Variants in INTS15 observed in about 807,000 individuals in gnomAD.
The protein encoded by INTS15 is integrator complex subunit 15.
the INTS15 span, among the ~76,000 whole-genome samples, chr7:6,596,358 C>G: frequency 6.9e-6 from 1 of 144,632 alleles, no homozygotes; most frequent in Non-Finnish European, 1.5e-5. Context: ...CCAGCCGAGC[C>G]TTCTTTTATC....
the INTS15 span, among the ~76,000 whole-genome samples, chr7:6,592,139 C>G: frequency 6.6e-6 from 1 of 151,862 alleles, no homozygotes; most frequent in Admixed American, 6.6e-5. Flanking sequence ...CCATTGCACT[C>G]CAGCCTGGGT....
the INTS15 span, chr7:6,594,316 C>G: frequency 9.7e-6 from 10 of 1,030,922 alleles, no homozygotes; most frequent in Non-Finnish European, 1.0e-5. Context: ...CCATTAACAT[C>G]TTTTTTTTGT....
At chr7:6,607,763 C>T in the INTS15 span, 3 of 1,485,240 alleles carry the variant, frequency 2.0e-6, no homozygotes, top group East Asian at 2.5e-5. This position sits in a 1 kb window ranked among gnomAD's most constrained non-coding sequence, Gnocchi z 6.0. Flanking sequence ...GTGCAGAGCC[C>T]ACTCCCACGC....
chr7:6,595,390 C>T, the INTS15 span, among the ~76,000 whole-genome samples: 1,149 of 152,242 alleles, frequency 7.5e-3, 14 homozygotes, highest in African/African-American at 0.026. Context: ...TTTTGAACTC[C>T]TGGACTCAAG....
At chr7:6,594,678 G>A in the INTS15 span, 1 of 1,371,060 alleles carries the variant, frequency 7.3e-7, no homozygotes, top group Non-Finnish European at 1.0e-6. Context: ...ATACCCAGGT[G>A]AAGTGTCCAG....
the INTS15 span, among the ~76,000 whole-genome samples, chr7:6,605,290 C>CT: frequency 2.0e-5 from 3 of 152,042 alleles, no homozygotes; most frequent in African/African-American, 7.2e-5. Context: ...TACCTGGCCT[C>CT]TTTTTCCTTT....
chr7:6,591,360 A>G, the INTS15 span, among the ~76,000 whole-genome samples: 2 of 146,524 alleles, frequency 1.4e-5, no homozygotes, highest in Non-Finnish European at 3.0e-5. Flanking sequence ...TCCGCCTCCC[A>G]GGTTCAAGCG....
the INTS15 span, chr7:6,600,380 C>G: frequency 1.3e-6 from 2 of 1,595,182 alleles, no homozygotes; most frequent in Non-Finnish European, 1.7e-6. Flanking sequence ...TGGCCCAGGC[C>G]TCCTGGTGCG....
At chr7:6,607,090 G>A in the INTS15 span, among the ~76,000 whole-genome samples, 3 of 152,084 alleles carry the variant, frequency 2.0e-5, 1 homozygote, top group South Asian at 6.2e-4. The surrounding 1 kb of genome is among the most constrained non-coding windows in gnomAD (Gnocchi z 6.0). Flanking sequence ...TGGGGGAGCT[G>A]GGGGTGATGA....
the INTS15 span, among the ~76,000 whole-genome samples, chr7:6,605,886 A>G: frequency 6.6e-6 from 1 of 151,902 alleles, no homozygotes. Flanking sequence ...TTTAATAGAG[A>G]CGGGTTTTCG....
the INTS15 span, among the ~76,000 whole-genome samples, chr7:6,605,533 C>A: frequency 6.6e-6 from 1 of 152,154 alleles, no homozygotes; most frequent in Non-Finnish European, 1.5e-5. Flanking sequence ...CAGAACTAAT[C>A]AGCAGTCCCC....
chr7:6,606,115 C>T, the INTS15 span, among the ~76,000 whole-genome samples: 2 of 152,168 alleles, frequency 1.3e-5, no homozygotes, highest in African/African-American at 4.8e-5. Flanking sequence ...ATCACATGAC[C>T]GAAATTTGGC....
the INTS15 span, among the ~76,000 whole-genome samples, chr7:6,604,793 C>G: frequency 6.6e-6 from 1 of 152,212 alleles, no homozygotes; most frequent in Non-Finnish European, 1.5e-5. Flanking sequence ...CCGTGCCACA[C>G]TCACTCTGCC....
At chr7:6,608,063 GCTGTCC>G in the INTS15 span, 1 of 1,597,828 alleles carries the variant, frequency 6.3e-7, no homozygotes, top group Non-Finnish European at 8.5e-7. Context: ...GGGCTACGGG[GCTGTCC>G]CGGCCCACCC....
chr7:6,599,376 A>G, the INTS15 span, among the ~76,000 whole-genome samples: 4 of 151,972 alleles, frequency 2.6e-5, no homozygotes, highest in Admixed American at 6.6e-5. Context: ...GATCACTGAC[A>G]GGACTCTGAG....
At chr7:6,598,217 A>C in the INTS15 span, among the ~76,000 whole-genome samples, 4 of 152,178 alleles carry the variant, frequency 2.6e-5, no homozygotes, top group African/African-American at 9.6e-5. Context: ...CTCCTGTAAT[A>C]CCAGCACTTT....
At chr7:6,598,095 G>A in the INTS15 span, among the ~76,000 whole-genome samples, 20 of 152,148 alleles carry the variant, frequency 1.3e-4, no homozygotes, top group Non-Finnish European at 2.5e-4. Flanking sequence ...CGTCAGCTCA[G>A]ATCTGAGGGG....
the INTS15 span, chr7:6,591,635 T>G: frequency 6.2e-7 from 1 of 1,611,848 alleles, no homozygotes; most frequent in South Asian, 1.1e-5. Context: ...TTTCCGGGAT[T>G]TCTTTTGCAG....
chr7:6,591,272 T>C, the INTS15 span, among the ~76,000 whole-genome samples: 1 of 149,802 alleles, frequency 6.7e-6, no homozygotes, highest in Non-Finnish European at 1.5e-5. Context: ...GTTTTTCTTT[T>C]TTTTTTTTTT....
Sources: gnomAD v4.1 joint callset for allele counts (sites outside exome capture counted in the v4.1 genomes callset) on GRCh38, gnomAD v4.1.1 for gene constraint, Gnocchi (gnomAD v3.1) non-coding constraint, MANE v1.5 for transcripts, NCBI Gene and HGNC (gene_info 2026-07-23, HGNC 2026-07-21) for gene names.